The following RGS6 variants were observed in gnomAD, a reference collection of about 807,000 sequenced individuals.
RGS6 encodes regulator of G protein signaling 6.
Under a neutral mutation model 78.5 loss-of-function variants are expected in RGS6, and 30 were observed. The observed-to-expected ratio is 0.38, with a 90% CI of 0.29 to 0.52. RGS6 has a LOEUF of 0.52. Among genes scored for constraint, RGS6 ranks in the 20% least tolerant of loss-of-function variants. RGS6 has a pLI of 0.85. For synonymous variants in RGS6, 206 were observed against 206.0 expected (o/e 1.00, Z 0.00); for missense variants, 495 against 609.7 (o/e 0.81, Z 1.98).
intron 2 of RGS6, among the ~76,000 whole-genome samples, chr14:72,009,081 G>A (rs980325906): frequency 9.2e-5 from 14 of 152,236 alleles, no homozygotes; most frequent in African/African-American, 3.1e-4. Context: ...TGGGCCAGGA[G>A]TGCTGGCTTA....
chr14:72,086,040 G>A (rs1336361287), intron 2 of RGS6, among the ~76,000 whole-genome samples: 1 of 151,922 alleles, frequency 6.6e-6, no homozygotes, highest in Non-Finnish European at 1.5e-5. Flanking sequence ...CCAAGGCTGT[G>A]ACATTTATTT....
chr14:72,544,112 C>T (rs1390977449), intron 17 of RGS6, among the ~76,000 whole-genome samples: 3 of 152,172 alleles, frequency 2.0e-5, no homozygotes, highest in Admixed American at 6.5e-5. Flanking sequence ...CCAAAGAGGG[C>T]CTGGCTCTGA....
At chr14:72,034,507 C>T (rs1211762304) in intron 2 of RGS6, among the ~76,000 whole-genome samples, 1 of 151,820 alleles carries the variant, frequency 6.6e-6, no homozygotes, top group Non-Finnish European at 1.5e-5. Flanking sequence ...CCTATCATTC[C>T]AGGAATATAT....
the RGS6 span, among the ~76,000 whole-genome samples, chr14:71,894,582 A>G: frequency 6.6e-6 from 1 of 152,166 alleles, no homozygotes; most frequent in African/African-American, 2.4e-5. Flanking sequence ...ACTCGCCCTG[A>G]ATTCTTTCTT....
chr14:72,052,922 TA>T (rs1163249580), intron 2 of RGS6, among the ~76,000 whole-genome samples: 5 of 151,330 alleles, frequency 3.3e-5, no homozygotes, highest in Non-Finnish European at 7.4e-5. Flanking sequence ...AGTTTCATTG[TA>T]TTTTTCTTTC....
At chr14:72,361,301 T>C (rs1339817983) in intron 3 of RGS6, among the ~76,000 whole-genome samples, 1 of 152,140 alleles carries the variant, frequency 6.6e-6, no homozygotes, top group Middle Eastern at 3.2e-3. Flanking sequence ...GAGGTTATAA[T>C]AGATCAAGAC....
At chr14:72,432,793 C>T (rs528322191) in intron 3 of RGS6, among the ~76,000 whole-genome samples, 1 of 152,208 alleles carries the variant, frequency 6.6e-6, no homozygotes, top group Non-Finnish European at 1.5e-5. Flanking sequence ...TTTATTTTAA[C>T]AAAATTCTAT....
In RGS6 at chr14:72,565,208, C is replaced by T. The variant is rs896249490; in HGVS notation, c.*2741C>T. The T allele has an allele frequency of 1.3e-5, 2 of 152,178 alleles. No individual in the cohort carries two copies. Among genetic ancestry groups the T allele is most frequent in the Admixed American group, 6.5e-5 (1 of 15,278 alleles). 9.4% of individuals were successfully genotyped at this position (152,178 alleles called of 1,614,324 possible). A position where few individuals can be genotyped will look rare whatever the true frequency, so the allele number is the denominator to read the frequency against. On this transcript the variant is annotated 3_prime_UTR_variant, in exon 18 of 18. Transcript: ENST00000553525. ...GGGTGTGGTCTCTGGGCCTAGGACTCCTCCCTATGAGGAAAAGTGCTCTCC... is the reference window on the plus strand; with the variant it reads ...GGGTGTGGTCTCTGGGCCTAGGACTTCTCCCTATGAGGAAAAGTGCTCTCC...
intron 3 of RGS6, among the ~76,000 whole-genome samples, chr14:72,410,200 T>C (rs940354704): frequency 6.6e-6 from 1 of 152,230 alleles, no homozygotes; most frequent in African/African-American, 2.4e-5. Flanking sequence ...AGTGTTCCTA[T>C]TTCTCCACAT....
chr14:71,953,691 A>C (rs912808569), intron 1 of RGS6, among the ~76,000 whole-genome samples: 1 of 151,824 alleles, frequency 6.6e-6, no homozygotes, highest in Non-Finnish European at 1.5e-5. Flanking sequence ...AACATTATTC[A>C]AAAGGGTCTA....
At chr14:72,439,076 A>G (rs1002122629) in intron 3 of RGS6, among the ~76,000 whole-genome samples, 1 of 152,048 alleles carries the variant, frequency 6.6e-6, no homozygotes, top group African/African-American at 2.4e-5. Flanking sequence ...AATGAAGTTT[A>G]TTGCACTCCC....
At chr14:71,905,676 G>T in the RGS6 span, among the ~76,000 whole-genome samples, 6 of 152,148 alleles carry the variant, frequency 3.9e-5, no homozygotes, top group Non-Finnish European at 8.8e-5. Context: ...TTTTAGTAGA[G>T]ACAGGGTTTC....
At position 72,395,280 on chromosome 14, in the gene RGS6, G is replaced by A. The variant is rs181894683; in HGVS notation, c.184+43086G>A. Among the ~76,000 whole-genome samples, 7 of 152,108 alleles carry A rather than the reference G, an allele frequency of 4.6e-5. No individual in the cohort carries two copies. In the East Asian group the frequency reaches 1.4e-3, roughly 29 times the overall value. ...AAATAACGATGTTGAGCATTAAGTG[G>A]ACTTCATTTCATACTCTTTCAAAGA... On this transcript the variant is annotated intron_variant, in intron 3 of 17. Transcript: ENST00000553525.
intron 2 of RGS6, among the ~76,000 whole-genome samples, chr14:72,245,022 A>T (rs964852563): frequency 9.9e-5 from 15 of 152,136 alleles, no homozygotes; most frequent in Admixed American, 9.8e-4. Flanking sequence ...ATAGGGTATC[A>T]CCATGTTGGC....
intron 2 of RGS6, among the ~76,000 whole-genome samples, chr14:71,966,701 G>A (rs1284897909): frequency 6.6e-6 from 1 of 152,148 alleles, no homozygotes; most frequent in Non-Finnish European, 1.5e-5. Flanking sequence ...ATCGAATGAG[G>A]CATCTTATAT....
chr14:71,971,469 C>T (rs935691955), intron 2 of RGS6, among the ~76,000 whole-genome samples: 3 of 152,032 alleles, frequency 2.0e-5, no homozygotes, highest in Admixed American at 1.3e-4. Flanking sequence ...TCCTTTTGGG[C>T]CTTTGCCGAC....
intron 17 of RGS6, among the ~76,000 whole-genome samples, chr14:72,557,423 G>A (rs571337409): frequency 6.6e-6 from 1 of 152,222 alleles, no homozygotes; most frequent in African/African-American, 2.4e-5. Context: ...GAGCACCAGG[G>A]GCAGCAACCT....
At chr14:72,487,393 T>C (rs1479844187) in intron 12 of RGS6, among the ~76,000 whole-genome samples, 2 of 152,236 alleles carry the variant, frequency 1.3e-5, no homozygotes, top group Non-Finnish European at 2.9e-5. Context: ...CTCTCAAAGA[T>C]GTCCATGTTC....
intron 3 of RGS6, among the ~76,000 whole-genome samples, chr14:72,376,706 T>C (rs1467577493): frequency 6.6e-6 from 1 of 152,118 alleles, no homozygotes; most frequent in Non-Finnish European, 1.5e-5. Flanking sequence ...AAAATAAAAC[T>C]TGCCATTCAA....
Sources: gnomAD v4.1 joint callset for allele counts (sites outside exome capture counted in the v4.1 genomes callset) on GRCh38, gnomAD v4.1.1 for gene constraint, MANE v1.5 for transcripts, NCBI Gene and HGNC (gene_info 2026-07-23, HGNC 2026-07-21) for gene names.